The following PKIB variants were observed in gnomAD, a reference collection of about 807,000 sequenced individuals.
PKIB encodes cAMP-dependent protein kinase inhibitor beta.
In PKIB, 2 loss-of-function variants were observed where a neutral mutation model predicts 4.5. The ratio of observed to expected loss-of-function variants is 0.44; its 90% CI spans 0.18 to 1.39. The LOEUF is 1.39. PKIB is among the 40% of genes most tolerant of loss of function. The probability of loss-of-function intolerance (pLI) is 0.27; values close to 1 mark genes in which losing one functional copy is unlikely to be tolerated. For synonymous variants in PKIB, 38 were observed against 36.0 expected (o/e 1.06, Z -0.20); for missense variants, 94 against 92.6 (o/e 1.02, Z -0.06).
chr6:122,624,659 C>A (rs1775363672), intron 1 of PKIB, among the ~76,000 whole-genome samples: 1 of 152,070 alleles, frequency 6.6e-6, no homozygotes, highest in Non-Finnish European at 1.5e-5. Context: ...AAATCCAGAT[C>A]AAAAGTCCAA....
intron 1 of PKIB, among the ~76,000 whole-genome samples, chr6:122,618,613 A>ACTTTGCATACACAT (rs1775088745): frequency 6.6e-6 from 1 of 152,098 alleles, no homozygotes; most frequent in Non-Finnish European, 1.5e-5. Context: ...AACTTTTTAA[A>ACTTTGCATACACAT]AGACAAAAAA....
intron 2 of PKIB, among the ~76,000 whole-genome samples, chr6:122,640,750 G>A (rs1281051670): frequency 6.6e-6 from 1 of 152,182 alleles, no homozygotes; most frequent in African/African-American, 2.4e-5. Context: ...CGGTAAGAAC[G>A]TTAACTCAAC....
At chr6:122,518,459 T>C (rs937680210) in intron 2 of PKIB, among the ~76,000 whole-genome samples, 6 of 152,040 alleles carry the variant, frequency 3.9e-5, no homozygotes, top group Non-Finnish European at 8.8e-5. Flanking sequence ...TTGGGGAAGA[T>C]TTCATGAAAC....
chr6:122,566,939 A>T lies in PKIB; in HGVS notation c.-247-18982A>T, dbSNP rs142900305. The stretch of plus-strand genomic sequence containing the variant: ...GGTCTCACTTTGTCACCCAGGCTGC[A>T]GTGCAATTGCAAGATCCTAGCTCAC... On this transcript the variant is annotated intron_variant, in intron 2 of 6. Coordinates refer to the PKIB transcript ENST00000392491. Among the ~76,000 whole-genome samples the T allele has an allele frequency of 7.0e-4, 107 of 152,316 alleles. 2 individuals are homozygous for T. The East Asian group carries it at 0.019, about 27-fold the overall frequency.
At chr6:122,711,942 C>T (rs909651066) in intron 3 of PKIB, among the ~76,000 whole-genome samples, 3 of 151,892 alleles carry the variant, frequency 2.0e-5, no homozygotes, top group African/African-American at 4.8e-5. Context: ...AAAAAATGTG[C>T]GTGTCAACAA....
chr6:122,509,634 T>C, intron 2 of PKIB, among the ~76,000 whole-genome samples: 1 of 152,036 alleles, frequency 6.6e-6, no homozygotes, highest in East Asian at 1.9e-4. Context: ...GGCTTCACCA[T>C]GTTAGCCAGG....
chr6:122,570,033 C>T (rs539077347), intron 2 of PKIB, among the ~76,000 whole-genome samples: 86 of 152,308 alleles, frequency 5.6e-4, no homozygotes, highest in African/African-American at 1.9e-3. Flanking sequence ...CATGGATGCA[C>T]CTACAGACAG....
chr6:122,544,144 T>C (rs1402527588), intron 2 of PKIB, among the ~76,000 whole-genome samples: 1 of 151,818 alleles, frequency 6.6e-6, no homozygotes, highest in East Asian at 1.9e-4. Flanking sequence ...AAGCAAACGC[T>C]TTAAAATACA....
chr6:122,471,945 C>G (rs975447459), exon 1 of PKIB: 4 of 1,147,960 alleles, frequency 3.5e-6, no homozygotes, highest in African/African-American at 3.1e-5. Context: ...CTAGACGACA[C>G]GGCTGTCTTC....
At chr6:122,598,717 C>T (rs1015647664) in intron 3 of PKIB, among the ~76,000 whole-genome samples, 2 of 152,134 alleles carry the variant, frequency 1.3e-5, no homozygotes, top group Non-Finnish European at 2.9e-5. Context: ...TACATTAAAC[C>T]AAGGGAGATC....
intron 2 of PKIB, among the ~76,000 whole-genome samples, chr6:122,645,646 A>T (rs562535192): frequency 1.3e-5 from 2 of 152,312 alleles, no homozygotes; most frequent in South Asian, 4.2e-4. Context: ...GCCCTGGGAA[A>T]CCTGGATAGA....
chr6:122,613,792 C>T (rs534261945), intron 1 of PKIB, among the ~76,000 whole-genome samples: 88 of 151,858 alleles, frequency 5.8e-4, no homozygotes, highest in African/African-American at 1.9e-3. Context: ...GGTGAAACCC[C>T]GTCTCTCTAA....
At chr6:122,484,672 A>G (rs1042839146) in intron 2 of PKIB, among the ~76,000 whole-genome samples, 5 of 152,228 alleles carry the variant, frequency 3.3e-5, no homozygotes, top group Non-Finnish European at 4.4e-5. Context: ...ATTATTTAAT[A>G]TTGTTTAATC....
intron 2 of PKIB, among the ~76,000 whole-genome samples, chr6:122,637,561 CCTGA>C (rs1225058049): frequency 3.9e-5 from 6 of 151,924 alleles, no homozygotes; most frequent in African/African-American, 1.5e-4. Flanking sequence ...TTGAGACCAT[CCTGA>C]CTAACACACT....
At chr6:122,670,481 A>G (rs542944892) in intron 2 of PKIB, among the ~76,000 whole-genome samples, 1 of 123,470 alleles carries the variant, frequency 8.1e-6, no homozygotes, top group Middle Eastern at 4.2e-3. Context: ...ATTCTTTCTT[A>G]TAAGGAATCA....
chr6:122,642,866 G>T (rs1776173803), intron 2 of PKIB, among the ~76,000 whole-genome samples: 1 of 152,168 alleles, frequency 6.6e-6, no homozygotes, highest in Non-Finnish European at 1.5e-5. Context: ...TAGTCAAGGT[G>T]ATATTACTAT....
chr6:122,520,665 A>ACTCCCCC (rs1776909929), intron 2 of PKIB, among the ~76,000 whole-genome samples: 1 of 107,988 alleles, frequency 9.3e-6, no homozygotes, highest in Admixed American at 1.0e-4. Context: ...TTATGTTCCC[A>ACTCCCCC]CCCCCCCCCC....
intron 1 of PKIB, among the ~76,000 whole-genome samples, chr6:122,628,109 T>C (rs1775536728): frequency 6.6e-6 from 1 of 151,834 alleles, no homozygotes; most frequent in African/African-American, 2.4e-5. Context: ...CAATCTTGGC[T>C]CACCGCAACC....
intron 2 of PKIB, among the ~76,000 whole-genome samples, chr6:122,499,018 A>T (rs1776151336): frequency 6.6e-6 from 1 of 152,220 alleles, no homozygotes; most frequent in Non-Finnish European, 1.5e-5. Context: ...ATGAGGAACA[A>T]ATTGAAAGCC....
Sources: allele counts gnomAD v4.1 joint callset (sites outside exome capture counted in the v4.1 genomes callset), GRCh38; gene constraint gnomAD v4.1.1; transcripts MANE v1.5; gene names NCBI Gene and HGNC (gene_info 2026-07-23, HGNC 2026-07-21).